Variants in ID4 observed in about 807,000 individuals in gnomAD.
ID4 encodes the protein inhibitor of DNA binding 4.
In ID4, 9 loss-of-function variants were observed where a neutral mutation model predicts 8.6. The ratio of observed to expected loss-of-function variants is 1.04; its 90% confidence interval spans 0.63 to 1.82. ID4 has a LOEUF of 1.82. Among genes scored for constraint, ID4 ranks in the 40% most tolerant of loss-of-function variants. The pLI, the probability that ID4 is intolerant of heterozygous loss-of-function variation, is 0.00. For missense variants in ID4, 270 were observed against 235.1 expected, an observed-to-expected ratio of 1.15 and a Z score of -0.97; for synonymous variants, 180 against 118.0, an observed-to-expected ratio of 1.53 and a Z score of -3.41.
chr6:19,838,633 C>A lies in ID4; in HGVS notation c.*5C>A. The A allele has an allele frequency of 6.2e-7, 1 of 1,613,810 alleles. No homozygotes were observed. Among genetic ancestry groups the A allele is most frequent in the Non-Finnish European group, 8.5e-7 (1 of 1,179,842 alleles). On this transcript the variant is annotated 3_prime_UTR_variant, in exon 2 of 3. Transcript: ENST00000378700. ...GACAGCATTCTGTGCCGCTGAGCCG[C>A]GCTGTCCAGGTGAGCGCGCATTTCC...
rs993883953 is a variant in ID4 at position 19,842,038 on chromosome 6, C to A, written c.*2843C>A. ...CAATGTTAAAGGAAGAAAAAAAATA[C>A]CTTTTCATTTCAAAGAACTAATATA... On this transcript the variant is annotated 3_prime_UTR_variant, in exon 3 of 3. Coordinates refer to ENST00000378700, the MANE Select transcript of ID4 (RefSeq NM_001546.4). Among the ~76,000 whole-genome samples the A allele has an allele frequency of 6.6e-6, 1 of 152,158 alleles. No individual in the cohort carries two copies. The highest frequency in any genetic ancestry group is 1.9e-4 in the East Asian group (1 of 5,200).
In ID4 at chr6:19,839,695, A is replaced by G. The variant is rs1374329775; in HGVS notation, c.*500A>G. ...TTTCTTTTCTCTGCAAGAATGTTACATATTGTATAGATAAATGAGTGACAT... is the reference window on the plus strand; with the variant it reads ...TTTCTTTTCTCTGCAAGAATGTTACGTATTGTATAGATAAATGAGTGACAT... On this transcript the variant is annotated 3_prime_UTR_variant, in exon 3 of 3. Coordinates refer to ENST00000378700, the MANE Select transcript of ID4 (RefSeq NM_001546.4). 1 of 152,556 alleles carries G rather than the reference A, an allele frequency of 6.6e-6. No homozygotes were observed. The highest frequency in any genetic ancestry group is 1.5e-5 in the Non-Finnish European group (1 of 68,040). The allele number at this position is 152,556 out of a possible 1,614,324, so 9.5% of individuals were successfully genotyped here. A position where few individuals can be genotyped will look rare whatever the true frequency, so the allele number is the denominator to read the frequency against.
At position 19,837,967 on chromosome 6, in the gene ID4, C is replaced by T. The variant is rs536719036; in HGVS notation, c.213C>T (p.Cys71=). The T allele has an allele frequency of 4.6e-5, 72 of 1,581,016 alleles. No homozygotes were observed. The highest frequency in any genetic ancestry group is 7.2e-5 in the Admixed American group (4 of 55,680). The part of the protein sequence containing the change: ...ALCLQCDMND[C]YSRLRRLVPT... ...GCCTGCAGTGCGATATGAACGACTG[C>T]TATAGCCGCCTGCGGAGGCTGGTGC... Residue 71 remains cysteine (C), a synonymous_variant, in exon 1 of 3, where the codon TGC becomes TGT. Transcript: ENST00000378700.
Position 19,840,985 on chromosome 6 carries a change from A to AC in ID4, c.*1793dup, listed in dbSNP as rs202127607. Among the ~76,000 whole-genome samples the AC allele has an allele frequency of 7.5e-3, 1,147 of 152,292 alleles. 10 individuals are homozygous for AC. The highest frequency in any genetic ancestry group is 0.026 in the African/African-American group (1,077 of 41,556). On this transcript the variant is annotated 3_prime_UTR_variant, in exon 3 of 3. Transcript: ENST00000378700. The stretch of plus-strand genomic sequence containing the variant: ...TTATACAAGAATAAAAGTATTATAG[A>AC]CCCAAGGGACTTCTTATGAGGTCAA...
rs1238933642 is a variant in ID4 at position 19,840,676 on chromosome 6, T to C, written c.*1481T>C. On this transcript the variant is annotated 3_prime_UTR_variant, in exon 3 of 3. Coordinates refer to ENST00000378700, the MANE Select transcript of ID4 (RefSeq NM_001546.4). ...ATGTGAATATTAAAGTAGATTTCTCTGTCTTGTACTGTGATTTCTGGTCTC... is the reference window on the plus strand; with the variant it reads ...ATGTGAATATTAAAGTAGATTTCTCCGTCTTGTACTGTGATTTCTGGTCTC... The C allele has an allele frequency of 2.0e-5, 3 of 152,370 alleles. 1 individual carries two copies. Among genetic ancestry groups the C allele is most frequent in the South Asian group, 4.1e-4 (2 of 4,836 alleles). 9.4% of individuals were successfully genotyped at this position (152,370 alleles called of 1,614,324 possible). A position where few individuals can be genotyped will look rare whatever the true frequency, so the allele number is the denominator to read the frequency against.
intron 2 of ID4, 60 bp downstream of exon 2, chr6:19,838,702 T>G (rs2113465332): frequency 6.7e-7 from 1 of 1,482,266 alleles, no homozygotes; most frequent in Admixed American, 1.7e-5. Context: ...CCCCGAGGGC[T>G]TCCGGGGCCA....
Position 19,841,367 on chromosome 6 carries a change from G to A in ID4, c.*2172G>A, listed in dbSNP as rs1761356862. Among the ~76,000 whole-genome samples the A allele has an allele frequency of 6.6e-6, 1 of 152,070 alleles. No individual in the cohort carries two copies. The highest frequency in any genetic ancestry group is 2.4e-5 in the African/African-American group (1 of 41,410). ...GACTGCATTCTTTGTTATTAAAAAG[G>A]GCACAATCCTTCCTTTTTATTTGGC... On this transcript the variant is annotated 3_prime_UTR_variant, in exon 3 of 3. Transcript: ENST00000378700.
At chr6:19,838,999 G>T (rs747607624) in intron 2 of ID4, 1 of 241,732 alleles carries the variant, frequency 4.1e-6, no homozygotes, top group Middle Eastern at 1.3e-3. Context: ...AAAGGGGGAC[G>T]CGGGCAGGGC....
chr6:19,838,678 C>T (rs1345874491), intron 2 of ID4, 36 bp downstream of exon 2: 2 of 1,588,444 alleles, frequency 1.3e-6, no homozygotes, highest in Non-Finnish European at 1.7e-6. Flanking sequence ...TGGCCGGTCA[C>T]CAGAGACGCC....
At position 19,837,852 on chromosome 6, in the gene ID4, A is replaced by C. The variant is rs1761254467; in HGVS notation, c.98A>C (p.His33Pro). The change falls in exon 1 of 3, where the codon CAC becomes CCC. Residue 33 changes from histidine to proline, a missense_variant. This residue lies in a region of ID4 where 160 missense variants were observed against 131.5 expected (regional missense o/e 1.22). Coordinates refer to ENST00000378700, the MANE Select transcript of ID4 (RefSeq NM_001546.4). The stretch of plus-strand genomic sequence containing the variant: ...CTGCGCTGCCTGGCCGAGCACGGCC[A>C]CAGCCTGGGTGGCTCCGCAGCCGCG... ...LALRCLAEHG[H>P]SLGGSAAAAA... The C allele has an allele frequency of 8.2e-7, 1 of 1,213,662 alleles. No homozygotes were observed. The highest frequency in any genetic ancestry group is 1.0e-6 in the Non-Finnish European group (1 of 975,630). 75.2% of individuals were successfully genotyped at this position (1,213,662 alleles called of 1,614,324 possible).
chr6:19,838,746 G>A, intron 2 of ID4, 104 bp downstream of exon 2: 1 of 948,506 alleles, frequency 1.1e-6, no homozygotes, highest in Non-Finnish European at 1.6e-6. Context: ...CAGCGTTTCT[G>A]AGAGCAAACT....
intron 1 of ID4, among the ~76,000 whole-genome samples, 163 bp from the exon 2 acceptor site, chr6:19,838,421 C>G (rs1264899585): frequency 6.6e-6 from 1 of 152,128 alleles, no homozygotes; most frequent in Admixed American, 6.5e-5. Context: ...TGTGGGCGCC[C>G]TGGGCTGTCA....
In ID4 at chr6:19,841,929, T is replaced by C. The variant is rs1227981691; in HGVS notation, c.*2734T>C. On this transcript the variant is annotated 3_prime_UTR_variant, in exon 3 of 3. Transcript: ENST00000378700. ...GCACAACCAAAGAGTCAGACTGGTT[T>C]AAAACTCCAGAAGGAAAAAAAGTAT... Among the ~76,000 whole-genome samples, 1 of 152,236 alleles carries C rather than the reference T, an allele frequency of 6.6e-6. No individual in the cohort carries two copies. The highest frequency in any genetic ancestry group is 1.5e-5 in the Non-Finnish European group (1 of 68,026).
rs558479253 is a variant in ID4 at position 19,839,783 on chromosome 6, C to G, written c.*588C>G. 1 of 152,118 alleles carries G rather than the reference C, an allele frequency of 6.6e-6. No individual in the cohort carries two copies. Among genetic ancestry groups the G allele is most frequent in the Non-Finnish European group, 1.5e-5 (1 of 67,986 alleles). 9.4% of individuals were successfully genotyped at this position (152,118 alleles called of 1,614,324 possible). On this transcript the variant is annotated 3_prime_UTR_variant, in exon 3 of 3. Coordinates refer to ENST00000378700, the MANE Select transcript of ID4 (RefSeq NM_001546.4). Reference sequence around the variant, plus strand: ...GAGAAAGTATATGCTTTAATAGATACTGTAATTATAAGATATTTTTAATTA... The same window carrying G: ...GAGAAAGTATATGCTTTAATAGATAGTGTAATTATAAGATATTTTTAATTA...
rs565846454 is a variant in ID4, at chr6:19,838,476, G to A, written c.442-108G>A. 2.1e-3 allele frequency: 3,124 copies of A among 1,461,808 alleles called. 17 individuals are homozygous for A. The highest frequency in any genetic ancestry group is 5.3e-3 in the Admixed American group (300 of 56,182). 90.6% of individuals were successfully genotyped at this position (1,461,808 alleles called of 1,614,324 possible). A position where few individuals can be genotyped will look rare whatever the true frequency, so the allele number is the denominator to read the frequency against. The stretch of plus-strand genomic sequence containing the variant: ...GGGGCCCCCCCGGCTACAGGCTGGG[G>A]TGGGGGCGTCGGCGCGCCAGCCTGA... On this transcript the variant is annotated intron_variant, in intron 1 of 2. Transcript: ENST00000378700.
rs1019193285 is a variant in ID4, at chr6:19,837,633, C to G, written c.-122C>G. 1 of 585,270 alleles carries G rather than the reference C, an allele frequency of 1.7e-6. No individual in the cohort carries two copies. The highest frequency in any genetic ancestry group is 2.2e-6 in the Non-Finnish European group (1 of 447,790). 36.3% of individuals were successfully genotyped at this position (585,270 alleles called of 1,614,324 possible). ...TGTTGGGCTCGGGAGTGTCGCGGTG[C>G]CCCGAGCGCGCCGGGCGCGGAGGCA... On this transcript the variant is annotated 5_prime_UTR_variant, in exon 1 of 3. Coordinates refer to ENST00000378700, the MANE Select transcript of ID4 (RefSeq NM_001546.4).
In ID4 at chr6:19,840,175, TTTTG is replaced by T. The variant is rs994971936; in HGVS notation, c.*984_*987del. 1 of 152,556 alleles carries T rather than the reference TTTTG, an allele frequency of 6.6e-6. No individual in the cohort carries two copies. The highest frequency in any genetic ancestry group is 1.5e-5 in the Non-Finnish European group (1 of 68,008). 9.5% of individuals were successfully genotyped at this position (152,556 alleles called of 1,614,324 possible). A position where few individuals can be genotyped will look rare whatever the true frequency, so the allele number is the denominator to read the frequency against. On this transcript the variant is annotated 3_prime_UTR_variant, in exon 3 of 3. Coordinates refer to ENST00000378700, the MANE Select transcript of ID4 (RefSeq NM_001546.4). ...TAATATATACAGAGTAAGTGTTTGT[TTTTG>T]TTTTTCAACTGAGGTCAAAATGGAT...
At chr6:19,838,556 T>C (rs1761281583) in intron 1 of ID4, 28 bp from the exon 2 acceptor site, 1 of 1,613,948 alleles carries the variant, frequency 6.2e-7, no homozygotes, top group Non-Finnish European at 8.5e-7. Context: ...CTGCTAACCT[T>C]TCCCTTGGTG....
rs1308308853 is a variant in ID4 at position 19,839,245 on chromosome 6, G to A, written c.*50G>A. Reference sequence around the variant, plus strand: ...GCCTGAGCCCGAGCCAGGAGCACTAGAGAGGGAGGGGGAAGAGCAGAAGTT... The same window carrying A: ...GCCTGAGCCCGAGCCAGGAGCACTAAAGAGGGAGGGGGAAGAGCAGAAGTT... On this transcript the variant is annotated 3_prime_UTR_variant, in exon 3 of 3. Coordinates refer to ENST00000378700, the MANE Select transcript of ID4 (RefSeq NM_001546.4). 6.5e-6 allele frequency: 1 copy of A among 152,852 alleles called. No individual in the cohort carries two copies. The highest frequency in any genetic ancestry group is 1.5e-5 in the Non-Finnish European group (1 of 68,238). 9.5% of individuals were successfully genotyped at this position (152,852 alleles called of 1,614,324 possible).
Sources: gnomAD v4.1 joint callset for allele counts (sites outside exome capture counted in the v4.1 genomes callset) on GRCh38, gnomAD v4.1.1 for gene constraint, gnomAD v4.1.1 regional missense constraint, MANE v1.5 for transcripts, NCBI Gene and HGNC (gene_info 2026-07-23, HGNC 2026-07-21) for gene names.